The following RUBCN variants were observed in gnomAD, a reference collection of about 807,000 sequenced individuals.
The protein encoded by RUBCN is rubicon autophagy regulator, also known as run domain Beclin-1-interacting and cysteine-rich domain-containing protein.
Under a neutral mutation model 113.2 loss-of-function variants are expected in RUBCN, and 74 were observed. That is an observed-to-expected ratio of 0.65 (90% CI 0.54 to 0.79). The LOEUF (loss-of-function observed/expected upper bound fraction) is 0.79, where lower values mean the gene tolerates loss of function less well. Among genes scored for constraint, RUBCN ranks in the 30% least tolerant of loss-of-function variants. The pLI is 0.00. For synonymous variants in RUBCN, 480 were observed against 490.0 expected (o/e 0.98, Z 0.27); for missense variants, 1,109 against 1,251.7 (o/e 0.89, Z 1.72).
At chr3:197,745,061 C>T (rs552888059) in intron 1 of RUBCN, among the ~76,000 whole-genome samples, 3 of 151,790 alleles carry the variant, frequency 2.0e-5, no homozygotes, top group African/African-American at 7.2e-5. Flanking sequence ...CCGAGGTGGG[C>T]AGATCACAAA....
intron 1 of RUBCN, among the ~76,000 whole-genome samples, chr3:197,730,061 T>C (rs1727241112): frequency 6.6e-6 from 1 of 152,214 alleles, no homozygotes; most frequent in Non-Finnish European, 1.5e-5. Flanking sequence ...TGGGACTAAA[T>C]TCAGGTTGGA....
At position 197,673,602 on chromosome 3, in the gene RUBCN, A is replaced by C. The variant is rs191290906; in HGVS notation, c.*1416T>G. ...GGTTAGAAGCTGCATCAACTTAAGG[A>C]ACATCACAAACACACACATGGCCCC... On this transcript the variant is annotated 3_prime_UTR_variant, in exon 20 of 20. Transcript: ENST00000296343. The C allele has an allele frequency of 6.6e-6, 1 of 152,460 alleles. No homozygotes were observed. The highest frequency in any genetic ancestry group is 6.5e-5 in the Admixed American group (1 of 15,298). The allele number at this position is 152,460 out of a possible 1,614,324, so 9.4% of individuals were successfully genotyped here. A position where few individuals can be genotyped will look rare whatever the true frequency, so the allele number is the denominator to read the frequency against.
At chr3:197,676,341 T>C (rs78473887) in intron 18 of RUBCN, 124 of 998,456 alleles carry the variant, frequency 1.2e-4, no homozygotes, top group Admixed American at 1.1e-3. Context: ...CTTTTTTTTT[T>C]CCACTCTTGT....
At chr3:197,719,049 T>G (rs577678596) in intron 1 of RUBCN, among the ~76,000 whole-genome samples, 62 of 152,330 alleles carry the variant, frequency 4.1e-4, no homozygotes, top group African/African-American at 1.4e-3. Flanking sequence ...GATTTCTTAG[T>G]GACACAGTTT....
chr3:197,702,406 TA>T (rs1233525267), intron 5 of RUBCN, among the ~76,000 whole-genome samples: 3 of 152,240 alleles, frequency 2.0e-5, no homozygotes, highest in Non-Finnish European at 4.4e-5. Context: ...CTCACACCTG[TA>T]ATCCCAGCAC....
At chr3:197,695,228 C>A (rs1219059156) in intron 9 of RUBCN, among the ~76,000 whole-genome samples, 2 of 149,718 alleles carry the variant, frequency 1.3e-5, no homozygotes, top group African/African-American at 2.5e-5. Flanking sequence ...CCTGTGAATC[C>A]CAGCACTCTG....
In RUBCN at chr3:197,677,022, CAAAG is replaced by C; in HGVS notation, c.2505_2508del (p.Phe836ThrfsTer7). On this transcript the variant is annotated frameshift_variant, in exon 18 of 20. Transcript: ENST00000296343. LOFTEE classifies it high-confidence loss of function. ...TCTGTCAGGTGGCCTGGGACTGTGTCAAAGGAATCCAGAAGCCTACAGGGAGTGA... is the reference window on the plus strand; with the variant it reads ...TCTGTCAGGTGGCCTGGGACTGTGTCGAATCCAGAAGCCTACAGGGAGTGA... 6.2e-7 allele frequency: 1 copy of C among 1,613,654 alleles called. No homozygotes were observed. Among genetic ancestry groups the C allele is most frequent in the East Asian group, 2.2e-5 (1 of 44,884 alleles).
At chr3:197,738,752 T>TC (rs1728369456), upstream of RUBCN, among the ~76,000 whole-genome samples, 1 of 120,190 alleles carries the variant, frequency 8.3e-6, no homozygotes, top group Non-Finnish European at 1.7e-5. Context: ...AGCTAATTTG[T>TC]TTTTTTTTTT....
chr3:197,694,092 T>C (rs1722726098), intron 10 of RUBCN: 1 of 587,742 alleles, frequency 1.7e-6, no homozygotes, highest in Admixed American at 2.2e-5. Flanking sequence ...GGTTTCACCA[T>C]GTTGGCCAGG....
At chr3:197,737,626 T>A (rs972159818), upstream of RUBCN, among the ~76,000 whole-genome samples, 1 of 152,024 alleles carries the variant, frequency 6.6e-6, no homozygotes, top group Non-Finnish European at 1.5e-5. Flanking sequence ...TGAAATGCCA[T>A]TTTAAGGAGT....
intron 4 of RUBCN, 74 bp from the exon 5 acceptor site, chr3:197,703,728 G>C: frequency 1.1e-6 from 1 of 905,710 alleles, no homozygotes; most frequent in Non-Finnish European, 1.8e-6. Flanking sequence ...GAAGCAGAAA[G>C]GGAGAGGTAA....
In RUBCN at chr3:197,683,206, A is replaced by G. The variant is rs1580173920; in HGVS notation, c.1980+101T>C. On this transcript the variant is annotated intron_variant, in intron 13 of 19. Transcript: ENST00000296343. The surrounding 1 kb of genome is among the most constrained non-coding windows in gnomAD (Gnocchi z 4.6). Reference sequence around the variant, plus strand: ...GAATGGCTTCCACGAGTAAGGGGGGAACACCCAGGCTCATTCCAGACTAGG... The same window carrying G: ...GAATGGCTTCCACGAGTAAGGGGGGGACACCCAGGCTCATTCCAGACTAGG... 1 of 1,420,956 alleles carries G rather than the reference A, an allele frequency of 7.0e-7. No individual in the cohort carries two copies. The highest frequency in any genetic ancestry group is 1.0e-6 in the Non-Finnish European group (1 of 1,004,370). 88.0% of individuals were successfully genotyped at this position (1,420,956 alleles called of 1,614,324 possible). A position where few individuals can be genotyped will look rare whatever the true frequency, so the allele number is the denominator to read the frequency against.
In RUBCN at chr3:197,681,899, C is replaced by T. The variant is rs1560408085; in HGVS notation, c.2127G>A (p.Thr709=). The change falls in exon 15 of 20, where the codon ACG becomes ACA. Residue 709 remains threonine (T), a splice_region_variant and synonymous_variant. Coordinates refer to ENST00000296343, the MANE Select transcript of RUBCN (RefSeq NM_014687.4). The surrounding 1 kb of genome is among the most constrained non-coding windows in gnomAD (Gnocchi z 5.5). ...QIIFNVHPAP[T]RKIAVAKQNY... Reference sequence around the variant, plus strand: ...TCTGCTTGGCCACGGCAATTTTCCTCCTGAGGAAGGGTAAGGACAGGGCAT... The same window carrying T: ...TCTGCTTGGCCACGGCAATTTTCCTTCTGAGGAAGGGTAAGGACAGGGCAT... The T allele has an allele frequency of 1.9e-6, 3 of 1,613,648 alleles. No individual in the cohort carries two copies. The highest frequency in any genetic ancestry group is 1.7e-5 in the Admixed American group (1 of 59,976).
chr3:197,713,552 A>G (rs190918930), intron 2 of RUBCN, among the ~76,000 whole-genome samples: 7 of 152,286 alleles, frequency 4.6e-5, no homozygotes, highest in Middle Eastern at 3.4e-3. Context: ...ATGAGAGAAC[A>G]TAAGTTTAGT....
At chr3:197,677,287 T>G (rs1040295482) in intron 17 of RUBCN, among the ~76,000 whole-genome samples, 193 bp downstream of exon 17, 4 of 152,198 alleles carry the variant, frequency 2.6e-5, no homozygotes, top group Admixed American at 2.6e-4. Context: ...CTGTCCTGGA[T>G]GGAATGACCA....
At chr3:197,703,121 G>A (rs534725562) in intron 5 of RUBCN, among the ~76,000 whole-genome samples, 5 of 152,074 alleles carry the variant, frequency 3.3e-5, no homozygotes, top group East Asian at 1.9e-4. Context: ...AAAGCTGGCC[G>A]GGCGCGGTGG....
At chr3:197,690,937 T>C (rs1722351987) in intron 11 of RUBCN, 1 of 426,306 alleles carries the variant, frequency 2.3e-6, no homozygotes, top group Non-Finnish European at 4.5e-6. Flanking sequence ...TTAGCTCCAG[T>C]TTCTTCCAAC....
At chr3:197,726,286 G>A (rs563516223) in intron 1 of RUBCN, among the ~76,000 whole-genome samples, 17 of 149,076 alleles carry the variant, frequency 1.1e-4, no homozygotes, top group South Asian at 2.1e-4. Context: ...TCGCTCTGTC[G>A]CCCAGGCTGG....
intron 2 of RUBCN, among the ~76,000 whole-genome samples, chr3:197,710,940 C>T (rs1346041371): frequency 1.3e-5 from 2 of 152,128 alleles, no homozygotes; most frequent in Non-Finnish European, 2.9e-5. Flanking sequence ...ATTCTCCTGC[C>T]TCAGCCTCCC....
Sources: gnomAD v4.1 joint callset for allele counts (sites outside exome capture counted in the v4.1 genomes callset) on GRCh38, gnomAD v4.1.1 for gene constraint, Gnocchi (gnomAD v3.1) non-coding constraint, MANE v1.5 for transcripts, NCBI Gene and HGNC (gene_info 2026-07-23, HGNC 2026-07-21) for gene names.